PLA2G4A: variants seen among roughly 807,000 people sequenced by gnomAD.
The protein encoded by PLA2G4A is cytosolic phospholipase A2.
A neutral mutation model predicts 81.9 loss-of-function variants in PLA2G4A; 40 were observed. The observed-to-expected ratio is 0.49, with a 90% CI of 0.38 to 0.64. The LOEUF (loss-of-function observed/expected upper bound fraction) is 0.64, where lower values mean the gene tolerates loss of function less well. Ranked by LOEUF, PLA2G4A falls within the 30% of genes least tolerant of loss-of-function variation. The probability of loss-of-function intolerance (pLI) is 0.00; values close to 1 mark genes in which losing one functional copy is unlikely to be tolerated. For missense variants in PLA2G4A, 715 were observed against 905.1 expected (o/e 0.79, Z 2.69); for synonymous variants, 302 against 296.9 (o/e 1.02, Z -0.18).
intron 17 of PLA2G4A, among the ~76,000 whole-genome samples, chr1:186,983,997 A>G (rs1430994290): frequency 6.6e-6 from 1 of 152,162 alleles, no homozygotes; most frequent in Non-Finnish European, 1.5e-5. Flanking sequence ...CAGCTAATAT[A>G]ATTATTAGTG....
At chr1:186,946,518 G>T in intron 10 of PLA2G4A, 119 bp from the exon 11 acceptor site, 2 of 808,652 alleles carry the variant, frequency 2.5e-6, no homozygotes, top group South Asian at 1.5e-5. Flanking sequence ...TTTTCATTTT[G>T]ATATTTTAAA....
rs144563631 is a variant in PLA2G4A, at chr1:186,883,398, G to A, written c.116-9613G>A. On this transcript the variant is annotated intron_variant, in intron 3 of 17. Transcript: ENST00000367466. ...GCATTGTAGCTGCCATTTAAACCTT[G>A]AAGATAATCAACTTTAAAGGATCTG... Among the ~76,000 whole-genome samples the A allele has an allele frequency of 2.9e-3, 445 of 152,184 alleles. 1 individual carries two copies. The highest frequency in any genetic ancestry group is 6.6e-3 in the Admixed American group (100 of 15,256).
intron 4 of PLA2G4A, 57 bp from the exon 5 acceptor site, chr1:186,894,041 T>C: frequency 1.3e-6 from 1 of 786,342 alleles, no homozygotes; most frequent in South Asian, 1.4e-5. Context: ...ATTATAGATG[T>C]CATTTCCAAA....
At chr1:186,927,524 G>A (rs1655590498) in intron 7 of PLA2G4A, among the ~76,000 whole-genome samples, 1 of 152,152 alleles carries the variant, frequency 6.6e-6, no homozygotes, top group Non-Finnish European at 1.5e-5. Context: ...GGTTGGTTGG[G>A]GGAGTAAAAT....
intron 13 of PLA2G4A, among the ~76,000 whole-genome samples, chr1:186,954,711 A>G (rs1447011102): frequency 6.6e-6 from 1 of 152,122 alleles, no homozygotes; most frequent in Non-Finnish European, 1.5e-5. Context: ...TCACGCACAC[A>G]TACACACACA....
intron 1 of PLA2G4A, among the ~76,000 whole-genome samples, chr1:186,848,458 GGAGA>G (rs550706850): frequency 6.6e-6 from 1 of 152,122 alleles, no homozygotes; most frequent in African/African-American, 2.4e-5. Context: ...ACCTTGAGCA[GGAGA>G]GAGACTTTAA....
intron 12 of PLA2G4A, among the ~76,000 whole-genome samples, chr1:186,948,356 C>T (rs755788674): frequency 9.9e-5 from 15 of 152,088 alleles, no homozygotes; most frequent in African/African-American, 1.7e-4. Context: ...ACATTTACCA[C>T]GGGGCACATT....
chr1:186,872,681 C>T (rs1653324978), intron 3 of PLA2G4A, among the ~76,000 whole-genome samples: 1 of 151,834 alleles, frequency 6.6e-6, no homozygotes, highest in Non-Finnish European at 1.5e-5. Flanking sequence ...GGCACTTTGG[C>T]AATGGTTATT....
intron 15 of PLA2G4A, among the ~76,000 whole-genome samples, chr1:186,970,854 T>G (rs1442123990): frequency 6.6e-6 from 1 of 152,038 alleles, no homozygotes; most frequent in Admixed American, 6.6e-5. Flanking sequence ...GCCTCCAGCT[T>G]TGTTCTTTTT....
intron 1 of PLA2G4A, among the ~76,000 whole-genome samples, chr1:186,852,221 A>G (rs10752976): frequency 0.31 from 46,616 of 151,844 alleles, 7,660 homozygotes; most frequent in East Asian, 0.6. Flanking sequence ...GGGAGAAGAG[A>G]TAGTAACACA....
At chr1:186,949,340 AAGAAAGAG>A (rs1215946852) in intron 12 of PLA2G4A, among the ~76,000 whole-genome samples, 3 of 69,136 alleles carry the variant, frequency 4.3e-5, no homozygotes, top group Non-Finnish European at 1.5e-4. Context: ...GGAAAGAAGA[AAGAAAGAG>A]AAAGAAAGAA....
intron 1 of PLA2G4A, among the ~76,000 whole-genome samples, chr1:186,849,032 A>G (rs1416187288): frequency 1.3e-5 from 2 of 152,134 alleles, no homozygotes; most frequent in Admixed American, 1.3e-4. Context: ...CCCCCTCTGG[A>G]ATCTCACTTG....
chr1:186,889,590 A>G (rs1427511588), intron 3 of PLA2G4A, among the ~76,000 whole-genome samples: 2 of 152,212 alleles, frequency 1.3e-5, no homozygotes, highest in African/African-American at 4.8e-5. Context: ...ATGACTACAT[A>G]AAGAACTAGG....
intron 1 of PLA2G4A, among the ~76,000 whole-genome samples, chr1:186,833,464 A>T (rs1445894209): frequency 6.6e-6 from 1 of 152,066 alleles, no homozygotes; most frequent in Non-Finnish European, 1.5e-5. Flanking sequence ...GAGAAAATGA[A>T]TTTCAGTTCT....
chr1:186,945,697 A>G (rs1026687241), intron 10 of PLA2G4A, among the ~76,000 whole-genome samples: 1 of 152,172 alleles, frequency 6.6e-6, no homozygotes. Context: ...TGAATAATAT[A>G]GTACCATTTA....
intron 14 of PLA2G4A, among the ~76,000 whole-genome samples, chr1:186,963,948 G>C (rs575531314): frequency 3.2e-4 from 49 of 152,232 alleles, no homozygotes; most frequent in African/African-American, 1.2e-3. Context: ...TTAAAGATTT[G>C]CTTTCCTTTT....
At chr1:186,830,949 G>GCTTT (rs1274358109) in intron 1 of PLA2G4A, among the ~76,000 whole-genome samples, 67 of 44,884 alleles carry the variant, frequency 1.5e-3, no homozygotes, top group East Asian at 1.8e-3. Flanking sequence ...TTGCTTGCTT[G>GCTTT]CTTGCTTGCT....
chr1:186,892,397 AT>A, intron 3 of PLA2G4A, among the ~76,000 whole-genome samples: 1 of 152,156 alleles, frequency 6.6e-6, no homozygotes, highest in East Asian at 1.9e-4. Context: ...ATTTTCCCCA[AT>A]GTTTTCTTGT....
intron 17 of PLA2G4A, 85 bp from the exon 18 acceptor site, chr1:186,988,292 G>GT (rs1657954900): frequency 3.9e-6 from 4 of 1,030,384 alleles, no homozygotes; most frequent in Non-Finnish European, 5.7e-6. Context: ...CTAATAAAAA[G>GT]ATTCATTTGA....
Sources: allele counts gnomAD v4.1 joint callset (sites outside exome capture counted in the v4.1 genomes callset), GRCh38; gene constraint gnomAD v4.1.1; transcripts MANE v1.5; gene names NCBI Gene and HGNC (gene_info 2026-07-23, HGNC 2026-07-21).